The following CA10 variants were observed in gnomAD, a reference collection of about 807,000 sequenced individuals.
CA10 encodes the protein carbonic anhydrase-related protein 10.
Under a neutral mutation model 44.2 loss-of-function variants are expected in CA10, and 14 were observed. The observed-to-expected ratio is 0.32, with a 90% CI of 0.21 to 0.50. CA10 has a LOEUF of 0.50. Ranked by LOEUF, CA10 falls within the 20% of genes least tolerant of loss-of-function variation. The probability of loss-of-function intolerance (pLI) is 0.99; values close to 1 mark genes in which losing one functional copy is unlikely to be tolerated. For missense variants in CA10, 350 were observed against 409.7 expected (o/e 0.85, Z 1.26); for synonymous variants, 159 against 141.6 (o/e 1.12, Z -0.87).
intron 3 of CA10, among the ~76,000 whole-genome samples, chr17:51,849,928 A>G (rs967789924): frequency 1.3e-5 from 2 of 152,186 alleles, no homozygotes; most frequent in African/African-American, 4.8e-5. Flanking sequence ...TTTCCACAAG[A>G]CAGTCACAGA....
chr17:52,015,763 C>G (rs956050011), intron 2 of CA10, among the ~76,000 whole-genome samples: 3 of 152,112 alleles, frequency 2.0e-5, no homozygotes, highest in African/African-American at 7.2e-5. Flanking sequence ...ATTTCTGAAG[C>G]CTAAGGTCTG....
chr17:52,011,962 T>A (rs1198175012), intron 2 of CA10, among the ~76,000 whole-genome samples: 1 of 152,014 alleles, frequency 6.6e-6, no homozygotes, highest in East Asian at 1.9e-4. Context: ...CAGAATAGTC[T>A]GTGAAGCCAA....
chr17:51,847,061 G>A (rs539271217), intron 3 of CA10, among the ~76,000 whole-genome samples: 28 of 152,246 alleles, frequency 1.8e-4, no homozygotes, highest in Admixed American at 1.0e-3. Flanking sequence ...ATCCTATGAC[G>A]CCCTGGATGA....
Position 51,913,039 on chromosome 17 carries a change from C to T in CA10, c.279+17951G>A, listed in dbSNP as rs1215945825. On this transcript the variant is annotated intron_variant, in intron 3 of 8. Coordinates refer to ENST00000451037, the MANE Select transcript of CA10 (RefSeq NM_020178.5). Reference sequence around the variant, plus strand: ...CCACTCTTTATAGCTGGGGAAGAGGCAGAAGCTAAGGGGCAGTGTGGAAGG... The same window carrying T: ...CCACTCTTTATAGCTGGGGAAGAGGTAGAAGCTAAGGGGCAGTGTGGAAGG... 2.6e-5 allele frequency among the ~76,000 whole-genome samples: 4 copies of T among 152,256 alleles called. No homozygotes were observed. The East Asian group carries it at 5.8e-4, about 22-fold the overall frequency.
intron 2 of CA10, among the ~76,000 whole-genome samples, chr17:52,003,781 C>T (rs1315433186): frequency 6.6e-6 from 1 of 151,896 alleles, no homozygotes; most frequent in African/African-American, 2.4e-5. Context: ...AGACCTCCCA[C>T]CTGTCCTGTT....
intron 2 of CA10, among the ~76,000 whole-genome samples, chr17:52,050,762 A>C (rs1456989605): frequency 6.6e-6 from 1 of 152,040 alleles, no homozygotes; most frequent in African/African-American, 2.4e-5. Context: ...GGCTCCCTTC[A>C]AATGACATCT....
intron 6 of CA10, among the ~76,000 whole-genome samples, chr17:51,641,616 C>T (rs973263990): frequency 2.0e-5 from 3 of 152,090 alleles, no homozygotes; most frequent in Non-Finnish European, 4.4e-5. Flanking sequence ...GACAGCTGAA[C>T]CTTTGGTTTT....
At chr17:51,965,394 CTAA>C (rs1984043870) in intron 2 of CA10, among the ~76,000 whole-genome samples, 1 of 151,656 alleles carries the variant, frequency 6.6e-6, no homozygotes, top group African/African-American at 2.4e-5. Flanking sequence ...CAGCATCAGC[CTAA>C]TACTAAAACC....
At chr17:51,774,037 G>A (rs1019390971) in intron 3 of CA10, among the ~76,000 whole-genome samples, 21 of 152,308 alleles carry the variant, frequency 1.4e-4, no homozygotes, top group Admixed American at 2.6e-4. Flanking sequence ...AAGGGCCTCT[G>A]CTTCTTTGTT....
intron 4 of CA10, among the ~76,000 whole-genome samples, chr17:51,719,903 A>C (rs1916298015): frequency 1.3e-5 from 2 of 152,076 alleles, no homozygotes; most frequent in South Asian, 4.2e-4. Flanking sequence ...AAAACAAAAC[A>C]AAAAACTTTT....
At chr17:52,032,672 T>G (rs1175873905) in intron 2 of CA10, among the ~76,000 whole-genome samples, 1 of 152,140 alleles carries the variant, frequency 6.6e-6, no homozygotes. Context: ...CTGGAAACCT[T>G]CCTTCTGCAT....
At position 51,639,377 on chromosome 17, in the gene CA10, G is replaced by A. The variant is rs138583813; in HGVS notation, c.635-3368C>T. 9.9e-5 allele frequency among the ~76,000 whole-genome samples: 15 copies of A among 152,190 alleles called. No homozygotes were observed. The East Asian group carries it at 1.7e-3, about 18-fold the overall frequency. On this transcript the variant is annotated intron_variant, in intron 6 of 8. Transcript: ENST00000451037. The stretch of plus-strand genomic sequence containing the variant: ...TGACTGGAGTAAAGAAAAGGAACAT[G>A]TTTTGTTTCTTTGAGACTGTAACCA...
intron 2 of CA10, among the ~76,000 whole-genome samples, chr17:52,024,517 G>A (rs540567042): frequency 1.3e-5 from 2 of 151,822 alleles, no homozygotes; most frequent in South Asian, 2.1e-4. Context: ...GGGGTGGGAG[G>A]GGGTAAAGCT....
intron 6 of CA10, among the ~76,000 whole-genome samples, chr17:51,643,858 TA>T (rs1215058631): frequency 5.3e-5 from 8 of 152,226 alleles, no homozygotes; most frequent in African/African-American, 1.9e-4. Context: ...TTTGACTCAT[TA>T]CCTTGTTTGA....
chr17:51,867,381 T>C (rs896817406), intron 3 of CA10, among the ~76,000 whole-genome samples: 7 of 152,218 alleles, frequency 4.6e-5, no homozygotes, highest in South Asian at 2.1e-4. Context: ...TAGAGTGTAA[T>C]GGTTAAGAGC....
intron 3 of CA10, among the ~76,000 whole-genome samples, chr17:51,875,377 T>C (rs1980023287): frequency 6.6e-6 from 1 of 152,200 alleles, no homozygotes; most frequent in African/African-American, 2.4e-5. Context: ...ATGGTATTAT[T>C]AGAAGGTTAC....
At chr17:52,114,557 C>T (rs1424472311) in intron 1 of CA10, among the ~76,000 whole-genome samples, 1 of 152,198 alleles carries the variant, frequency 6.6e-6, no homozygotes, top group Non-Finnish European at 1.5e-5. Context: ...TAAATATAAG[C>T]TGGCATACCC....
chr17:51,921,127 T>C (rs1416659074), intron 3 of CA10, among the ~76,000 whole-genome samples: 2 of 152,214 alleles, frequency 1.3e-5, no homozygotes, highest in African/African-American at 4.8e-5. Flanking sequence ...CATTCCAGGA[T>C]GGCTGCAAGC....
intron 2 of CA10, among the ~76,000 whole-genome samples, chr17:51,955,159 G>T (rs1481422420): frequency 6.6e-6 from 1 of 151,930 alleles, no homozygotes; most frequent in Non-Finnish European, 1.5e-5. Flanking sequence ...GAAAGCAAGA[G>T]GCAAAAAAGA....
Sources: gnomAD v4.1 joint callset for allele counts (sites outside exome capture counted in the v4.1 genomes callset) on GRCh38, gnomAD v4.1.1 for gene constraint, MANE v1.5 for transcripts, NCBI Gene and HGNC (gene_info 2026-07-23, HGNC 2026-07-21) for gene names.